KSR2: variants seen among roughly 807,000 people sequenced by gnomAD.
The protein encoded by KSR2 is kinase suppressor of ras 2.
Under a neutral mutation model 107.8 loss-of-function variants are expected in KSR2, and 25 were observed. The ratio of observed to expected loss-of-function variants is 0.23; its 90% confidence interval spans 0.17 to 0.32. The LOEUF (loss-of-function observed/expected upper bound fraction) is 0.32. Ranked by LOEUF, KSR2 falls within the 10% of genes least tolerant of loss-of-function variation. The pLI is 1.00. For missense variants in KSR2, 887 were observed against 1,268.9 expected (o/e 0.70, Z 4.57); for synonymous variants, 480 against 507.0 (o/e 0.95, Z 0.71).
intron 7 of KSR2, among the ~76,000 whole-genome samples, chr12:117,570,653 T>C (rs200135932): frequency 1.3e-5 from 2 of 152,238 alleles, no homozygotes; most frequent in Admixed American, 6.5e-5. Context: ...AGTCGGGTTT[T>C]GCAACGAAAT....
Position 117,584,232 on chromosome 12 carries a change from C to T in KSR2, c.1172-1873G>A, listed in dbSNP as rs1879860188. ...TGTCATCAACCTCAAGCACATTTTACTACTTGTTTCGATTTCTGAGGGAAA... is the reference window on the plus strand; with the variant it reads ...TGTCATCAACCTCAAGCACATTTTATTACTTGTTTCGATTTCTGAGGGAAA... On this transcript the variant is annotated intron_variant, in intron 5 of 19. Coordinates refer to ENST00000339824, the MANE Select transcript of KSR2 (RefSeq NM_173598.6). Among the ~76,000 whole-genome samples the T allele has an allele frequency of 2.0e-5, 3 of 152,142 alleles. 1 individual carries two copies. In the South Asian group the frequency reaches 6.2e-4, roughly 32 times the overall value.
At chr12:117,745,829 C>T (rs1208787739) in intron 4 of KSR2, among the ~76,000 whole-genome samples, 2 of 152,076 alleles carry the variant, frequency 1.3e-5, no homozygotes, top group African/African-American at 4.8e-5. Flanking sequence ...CTCCCATTCA[C>T]AACTGCTATA....
intron 4 of KSR2, among the ~76,000 whole-genome samples, chr12:117,700,125 C>T (rs941275343): frequency 6.6e-6 from 1 of 151,920 alleles, no homozygotes; most frequent in East Asian, 1.9e-4. Context: ...AAGTGATCTG[C>T]CTGCCTCAGC....
intron 3 of KSR2, among the ~76,000 whole-genome samples, chr12:117,836,716 G>A (rs1020934548): frequency 6.6e-6 from 1 of 152,198 alleles, no homozygotes; most frequent in Admixed American, 6.5e-5. Context: ...ACTGTGGCCC[G>A]TGTCTTTTTT....
At chr12:117,577,657 C>T (rs984319639) in intron 7 of KSR2, among the ~76,000 whole-genome samples, 3 of 152,060 alleles carry the variant, frequency 2.0e-5, no homozygotes, top group South Asian at 2.1e-4. Flanking sequence ...ATGGCAGTGG[C>T]AAGGGAGAAT....
chr12:117,526,083 T>C (rs1875135169), intron 13 of KSR2, among the ~76,000 whole-genome samples: 1 of 152,180 alleles, frequency 6.6e-6, no homozygotes, highest in African/African-American at 2.4e-5. Flanking sequence ...TGACCATCTG[T>C]ATTAAACACC....
At chr12:117,634,437 T>C (rs1882957889) in intron 5 of KSR2, among the ~76,000 whole-genome samples, 1 of 152,164 alleles carries the variant, frequency 6.6e-6, no homozygotes, top group South Asian at 2.1e-4. Context: ...ACCAAACTTT[T>C]TGACAACACC....
intron 7 of KSR2, among the ~76,000 whole-genome samples, chr12:117,562,244 G>A (rs1193981722): frequency 2.8e-5 from 4 of 143,694 alleles, no homozygotes; most frequent in South Asian, 2.2e-4. Context: ...AGAACAACAC[G>A]AATGGTGGGG....
chr12:117,705,381 G>A (rs374915774), intron 4 of KSR2, among the ~76,000 whole-genome samples: 2 of 152,160 alleles, frequency 1.3e-5, no homozygotes, highest in Non-Finnish European at 2.9e-5. Flanking sequence ...ATTTACTGAG[G>A]GCCTATTAGG....
chr12:117,858,742 T>A (rs1268689633), intron 2 of KSR2, among the ~76,000 whole-genome samples: 1 of 152,234 alleles, frequency 6.6e-6, no homozygotes, highest in Non-Finnish European at 1.5e-5. Context: ...GAGCTGGACA[T>A]CCTGCTAGCC....
intron 4 of KSR2, among the ~76,000 whole-genome samples, chr12:117,700,792 T>C (rs1191332331): frequency 1.3e-5 from 2 of 152,212 alleles, no homozygotes; most frequent in Non-Finnish European, 2.9e-5. Flanking sequence ...GAAAGGTTCA[T>C]TCAGACGACC....
intron 3 of KSR2, among the ~76,000 whole-genome samples, chr12:117,772,471 C>T (rs1386938890): frequency 1.4e-5 from 2 of 146,312 alleles, no homozygotes; most frequent in Non-Finnish European, 3.0e-5. Context: ...ACCATTCCCC[C>T]AAAGACGCAC....
chr12:117,635,509 G>GA (rs1883025580), intron 5 of KSR2, among the ~76,000 whole-genome samples: 1 of 152,156 alleles, frequency 6.6e-6, no homozygotes, highest in Non-Finnish European at 1.5e-5. Context: ...CAAAAGAGAT[G>GA]AAAGGTTAAG....
chr12:117,955,055 G>A (rs1007280374), intron 1 of KSR2, among the ~76,000 whole-genome samples: 2 of 151,566 alleles, frequency 1.3e-5, no homozygotes, highest in Non-Finnish European at 2.9e-5. Context: ...ACAGGCACTC[G>A]AATCTACTCA....
At chr12:117,627,514 T>A (rs1450672712) in intron 5 of KSR2, among the ~76,000 whole-genome samples, 1 of 152,246 alleles carries the variant, frequency 6.6e-6, no homozygotes, top group Non-Finnish European at 1.5e-5. Context: ...TCTTTAAGAA[T>A]GTTGAACATT....
chr12:117,810,513 A>G (rs1219461950), intron 3 of KSR2, among the ~76,000 whole-genome samples: 2 of 152,046 alleles, frequency 1.3e-5, no homozygotes, highest in African/African-American at 4.8e-5. Context: ...AGGTCTCACT[A>G]CGTTGCCCAG....
chr12:117,767,391 C>T (rs1314940993), intron 3 of KSR2, among the ~76,000 whole-genome samples: 5 of 149,638 alleles, frequency 3.3e-5, no homozygotes, highest in African/African-American at 9.9e-5. Flanking sequence ...GAGCCGAGAT[C>T]GCTCCACTGC....
chr12:117,916,782 C>T (rs935768950), intron 1 of KSR2, among the ~76,000 whole-genome samples: 1 of 152,144 alleles, frequency 6.6e-6, no homozygotes, highest in Admixed American at 6.5e-5. Context: ...AGAATAGAAG[C>T]GCCCCATTCA....
chr12:117,731,054 G>A (rs1249787911), intron 4 of KSR2, among the ~76,000 whole-genome samples: 1 of 151,892 alleles, frequency 6.6e-6, no homozygotes, highest in Non-Finnish European at 1.5e-5. Context: ...ATCCCGTCTA[G>A]GAAGTGAGGA....
Sources: gnomAD v4.1 joint callset for allele counts (sites outside exome capture counted in the v4.1 genomes callset) on GRCh38, gnomAD v4.1.1 for gene constraint, MANE v1.5 for transcripts, NCBI Gene and HGNC (gene_info 2026-07-23, HGNC 2026-07-21) for gene names.